The following TACC2 variants were observed in gnomAD, a reference collection of about 807,000 sequenced individuals.
TACC2 encodes transforming acidic coiled-coil containing protein 2.
Under a neutral mutation model 227.3 loss-of-function variants are expected in TACC2, and 137 were observed. The observed-to-expected ratio is 0.60, with a 90% CI of 0.52 to 0.69. The LOEUF (loss-of-function observed/expected upper bound fraction) is 0.69. Ranked by LOEUF, TACC2 falls within the 30% of genes least tolerant of loss-of-function variation. TACC2 has a pLI of 0.00. For synonymous variants in TACC2, 1,523 were observed against 1,487.5 expected (o/e 1.02, Z -0.55); for missense variants, 3,470 against 3,694.4 (o/e 0.94, Z 1.57).
chr10:122,238,834 G>T (rs1041367385), intron 18 of TACC2, among the ~76,000 whole-genome samples: 1 of 152,050 alleles, frequency 6.6e-6, no homozygotes, highest in Non-Finnish European at 1.5e-5. Context: ...GGTGCTTAAT[G>T]GTCCATTGTA....
chr10:122,125,309 C>G (rs1049888722), intron 5 of TACC2, among the ~76,000 whole-genome samples: 3 of 152,160 alleles, frequency 2.0e-5, no homozygotes, highest in Non-Finnish European at 4.4e-5. Flanking sequence ...GATCCTCCCA[C>G]CTCAGCCTCC....
At chr10:122,132,207 C>A (rs954520239) in intron 5 of TACC2, among the ~76,000 whole-genome samples, 1 of 152,166 alleles carries the variant, frequency 6.6e-6, no homozygotes, top group African/African-American at 2.4e-5. Context: ...GAAACTGAGG[C>A]CCTGCTCAGG....
chr10:122,090,416 G>A (rs573051914), intron 5 of TACC2, among the ~76,000 whole-genome samples: 205 of 151,290 alleles, frequency 1.4e-3, no homozygotes, highest in Non-Finnish European at 2.2e-3. Flanking sequence ...GTGTGGTGGC[G>A]GGCGCCTGTA....
intron 3 of TACC2, 33 bp from the exon 4 acceptor site, chr10:122,082,614 C>T: frequency 6.4e-7 from 1 of 1,572,786 alleles, no homozygotes; most frequent in Non-Finnish European, 8.6e-7. Flanking sequence ...CCTTGGCATC[C>T]ATGATAACCA....
chr10:122,186,020 T>G (rs1483688704), intron 7 of TACC2, among the ~76,000 whole-genome samples: 1 of 151,148 alleles, frequency 6.6e-6, no homozygotes, highest in Admixed American at 6.6e-5. Context: ...AACCTCCACC[T>G]CCTGGGCAAG....
chr10:122,080,750 A>G (rs535912300), intron 3 of TACC2, among the ~76,000 whole-genome samples: 1 of 152,334 alleles, frequency 6.6e-6, no homozygotes, highest in Non-Finnish European at 1.5e-5. Context: ...CACTGTATGC[A>G]TCCCTCATGT....
intron 19 of TACC2, among the ~76,000 whole-genome samples, chr10:122,246,193 C>T (rs1589934667): frequency 6.6e-6 from 1 of 152,156 alleles, no homozygotes; most frequent in Non-Finnish European, 1.5e-5. Context: ...AATCTCACGC[C>T]GTGGGGTGGG....
At chr10:122,187,944 C>G (rs2094267213) in intron 7 of TACC2, among the ~76,000 whole-genome samples, 1 of 152,258 alleles carries the variant, frequency 6.6e-6, no homozygotes, top group South Asian at 2.1e-4. Context: ...AGGTCATGTG[C>G]TTGTCAAGGG....
rs531911799 is a variant in TACC2, at chr10:122,027,284, G to A, written c.33+5270G>A. Among the ~76,000 whole-genome samples, 109 of 152,124 alleles carry A rather than the reference G, an allele frequency of 7.2e-4. No individual in the cohort carries two copies. In the South Asian group the frequency reaches 0.011, roughly 15 times the overall value. On this transcript the variant is annotated intron_variant, in intron 2 of 22. Transcript: ENST00000369005. ...GGTGAGGTGTCCGTTCAGGTCTTTG[G>A]CCCATTTTAAAGTTAGGTTGTTTGT...
intron 5 of TACC2, 134 bp downstream of exon 5, chr10:122,088,725 CGTTTTAT>C (rs1565276315): frequency 1.3e-6 from 2 of 1,542,816 alleles, no homozygotes; most frequent in Admixed American, 3.9e-5. Flanking sequence ...TGGCCATTCC[CGTTTTAT>C]GTACAGGTAC....
In TACC2 at chr10:122,237,528, C is replaced by G; in HGVS notation, c.8261C>G (p.Ala2754Gly). 1 of 1,613,312 alleles carries G rather than the reference C, an allele frequency of 6.2e-7. No homozygotes were observed. Among genetic ancestry groups the G allele is most frequent in the Non-Finnish European group, 8.5e-7 (1 of 1,179,608 alleles). Residue 2754 changes from alanine (A) to glycine (G), a missense_variant, in exon 17 of 23, where the codon GCC (alanine) becomes GGC (glycine). By Grantham distance (60) the Ala-to-Gly change is moderately conservative. This residue lies in a region of TACC2 where 345 missense variants were observed against 354.4 expected (regional missense o/e 0.97). Coordinates refer to ENST00000369005, the MANE Select transcript of TACC2 (RefSeq NM_206862.4). ...GACCTGGACTCTGCCCTCCAGATCG[C>G]CAGAGCAGAGGTATCGTGGCATGTG... ...QPDLDSALQI[A>G]RAEIITKERE...
chr10:122,139,945 C>T (rs1289817398), intron 6 of TACC2, among the ~76,000 whole-genome samples: 1 of 152,208 alleles, frequency 6.6e-6, no homozygotes, highest in African/African-American at 2.4e-5. Flanking sequence ...ATGAAATTTG[C>T]TATCAGTTCA....
intron 7 of TACC2, among the ~76,000 whole-genome samples, chr10:122,148,934 T>C (rs1359228536): frequency 4.6e-5 from 7 of 152,242 alleles, no homozygotes; most frequent in Admixed American, 4.6e-4. Context: ...AGACCATTGC[T>C]GCAGTCACCA....
intron 5 of TACC2, among the ~76,000 whole-genome samples, chr10:122,090,348 C>T (rs979137372): frequency 2.0e-5 from 3 of 151,794 alleles, no homozygotes; most frequent in East Asian, 1.9e-4. Flanking sequence ...AGATCGAGAC[C>T]ATCCTGGCTA....
chr10:122,131,971 G>A (rs1252589829), intron 5 of TACC2, among the ~76,000 whole-genome samples: 20 of 151,920 alleles, frequency 1.3e-4, no homozygotes, highest in Non-Finnish European at 2.6e-4. Flanking sequence ...GCAATGAGCC[G>A]AGATCACGTC....
chr10:122,009,319 C>G (rs1039826766), intron 1 of TACC2, among the ~76,000 whole-genome samples: 4 of 152,102 alleles, frequency 2.6e-5, no homozygotes, highest in African/African-American at 9.7e-5. Flanking sequence ...TTTTCAGTTA[C>G]CACAAAAGCT....
intron 3 of TACC2, among the ~76,000 whole-genome samples, chr10:122,053,697 G>A (rs927409007): frequency 6.6e-6 from 1 of 152,144 alleles, no homozygotes; most frequent in African/African-American, 2.4e-5. Flanking sequence ...AGAGGACACG[G>A]TCTGGAAGTA....
chr10:122,061,611 C>T (rs1397688402), intron 3 of TACC2, among the ~76,000 whole-genome samples: 1 of 152,140 alleles, frequency 6.6e-6, no homozygotes, highest in African/African-American at 2.4e-5. Context: ...ATGCCCAGCT[C>T]CTTAGCACCC....
At position 122,083,538 on chromosome 10, in the gene TACC2, G is replaced by A. The variant is rs1330492288; in HGVS notation, c.1038G>A (p.Leu346=). ...GAGCATATCTGCCGCACGCAGAGCT[G>A]CCCTGGGGCTTGCCAAGTCCTGCCC... is the stretch of plus-strand genomic sequence containing the variant. The part of the protein sequence containing the change: ...PVGAYLPHAE[L]PWGLPSPALV... Residue 346 remains leucine (L), a synonymous_variant, in exon 4 of 23, where the codon CTG becomes CTA. Coordinates refer to ENST00000369005, the MANE Select transcript of TACC2 (RefSeq NM_206862.4). 2 of 1,613,242 alleles carry A rather than the reference G, an allele frequency of 1.2e-6. No individual in the cohort carries two copies. The highest frequency in any genetic ancestry group is 3.3e-5 in the Admixed American group (2 of 60,034).
Sources: gnomAD v4.1 joint callset for allele counts (sites outside exome capture counted in the v4.1 genomes callset) on GRCh38, gnomAD v4.1.1 for gene constraint, gnomAD v4.1.1 regional missense constraint, MANE v1.5 for transcripts, NCBI Gene and HGNC (gene_info 2026-07-23, HGNC 2026-07-21) for gene names.